Variants in VAT1L observed in about 807,000 individuals in gnomAD.
VAT1L encodes vesicle amine transport 1 like.
VAT1L carries 34 observed loss-of-function variants against 44.1 expected under a neutral mutation model. The ratio of observed to expected loss-of-function variants is 0.77; its 90% CI spans 0.59 to 1.03. The LOEUF is 1.03. Ranked by LOEUF, VAT1L falls within the 50% of genes least tolerant of loss-of-function variation. The pLI, the probability that VAT1L is intolerant of heterozygous loss-of-function variation, is 0.00. For missense variants in VAT1L, 615 were observed against 538.8 expected (o/e 1.14, Z -1.40); for synonymous variants, 253 against 202.2 (o/e 1.25, Z -2.13).
chr16:77,965,082 G>A (rs773575019), intron 7 of VAT1L, among the ~76,000 whole-genome samples: 32 of 149,208 alleles, frequency 2.1e-4, no homozygotes, highest in Non-Finnish European at 4.3e-4. Flanking sequence ...GAGCCACCCC[G>A]GCTGCCTGTA....
intron 7 of VAT1L, among the ~76,000 whole-genome samples, chr16:77,923,204 A>G (rs2017631042): frequency 6.6e-6 from 1 of 152,212 alleles, no homozygotes; most frequent in South Asian, 2.1e-4. Context: ...TAATTGCAGC[A>G]TATTGAGAGG....
chr16:77,812,677 A>G (rs2016286246), intron 1 of VAT1L, among the ~76,000 whole-genome samples: 1 of 152,202 alleles, frequency 6.6e-6, no homozygotes, highest in African/African-American at 2.4e-5. Context: ...TACAAATATA[A>G]GAAAGTGTTA....
At chr16:77,907,972 G>C (rs2017455489) in intron 7 of VAT1L, among the ~76,000 whole-genome samples, 2 of 152,182 alleles carry the variant, frequency 1.3e-5, no homozygotes, top group African/African-American at 4.8e-5. Context: ...TGGACACGGG[G>C]GCTCACGCCT....
At chr16:77,947,445 C>A (rs12448928) in intron 7 of VAT1L, among the ~76,000 whole-genome samples, 25,349 of 152,184 alleles carry the variant, frequency 0.17, 2,309 homozygotes, top group Admixed American at 0.25. Flanking sequence ...TGGTCTCACC[C>A]CGCCAGCCTC....
Position 77,884,705 on chromosome 16 carries a change from G to C in VAT1L, c.980G>C (p.Arg327Pro). 6.2e-7 allele frequency: 1 copy of C among 1,611,168 alleles called. No homozygotes were observed. The highest frequency in any genetic ancestry group is 8.5e-7 in the Non-Finnish European group (1 of 1,178,704). Residue 327 changes from arginine to proline, a missense_variant, in exon 7 of 9, where the codon CGG becomes CCG. Arg to Pro is a moderately radical substitution (Grantham distance 103). Transcript: ENST00000302536. The surrounding 1 kb of genome is among the most constrained non-coding windows in gnomAD (Gnocchi z 4.5). ...TTAAATCTGCTCTTCAAACAAGGCC[G>C]GGCGGGCCTCATTCGGGGAGTGGTG... is the stretch of plus-strand genomic sequence containing the variant. ...SLLNLLFKQG[R>P]AGLIRGVVEK...
chr16:77,877,468 G>A (rs568029761), intron 5 of VAT1L, among the ~76,000 whole-genome samples: 157 of 139,354 alleles, frequency 1.1e-3, no homozygotes, highest in South Asian at 9.4e-4. Flanking sequence ...AGCCGAGACC[G>A]CGCCAGTGCA....
In VAT1L at chr16:77,962,562, T is replaced by G. The variant is rs1036439826; in HGVS notation, c.1078-9288T>G. On this transcript the variant is annotated intron_variant, in intron 7 of 8. Coordinates refer to ENST00000302536, the MANE Select transcript of VAT1L (RefSeq NM_020927.3). ...TTATTAGGTGGCCTCGAGTATATCA[T>G]AGGCGGGACCATCCTATAATCCTAT... Among the ~76,000 whole-genome samples, 4 of 138,830 alleles carry G rather than the reference T, an allele frequency of 2.9e-5. No homozygotes were observed. The South Asian group carries it at 1.0e-3, about 35-fold the overall frequency. 91.1% of individuals were successfully genotyped at this position (138,830 alleles called of 152,430 possible). A position where few individuals can be genotyped will look rare whatever the true frequency, so the allele number is the denominator to read the frequency against.
intron 7 of VAT1L, among the ~76,000 whole-genome samples, chr16:77,889,172 T>C (rs442307): frequency 0.18 from 26,937 of 152,178 alleles, 2,747 homozygotes; most frequent in East Asian, 0.35. Context: ...ACTTCATCTA[T>C]GGAATATAAA....
At chr16:77,976,742 C>G (rs1158094085) in intron 8 of VAT1L, among the ~76,000 whole-genome samples, 2 of 152,132 alleles carry the variant, frequency 1.3e-5, no homozygotes, top group African/African-American at 4.8e-5. Flanking sequence ...GTTCTTAAAA[C>G]AAATTTATAA....
intron 7 of VAT1L, among the ~76,000 whole-genome samples, chr16:77,964,224 A>C (rs149479231): frequency 3.5e-3 from 538 of 152,102 alleles, no homozygotes; most frequent in Non-Finnish European, 4.6e-3. Flanking sequence ...AAACCCACCT[A>C]CATTAGTGTC....
At chr16:77,906,516 A>T (rs1163479938) in intron 7 of VAT1L, among the ~76,000 whole-genome samples, 1 of 152,238 alleles carries the variant, frequency 6.6e-6, no homozygotes, top group East Asian at 1.9e-4. Context: ...CTTATTTGAG[A>T]AATGATCCCA....
intron 7 of VAT1L, among the ~76,000 whole-genome samples, chr16:77,946,276 G>GTTATTTTTTTTTTTTTT (rs1597114758): frequency 5.9e-5 from 2 of 33,874 alleles, no homozygotes; most frequent in African/African-American, 1.1e-4. Context: ...TAGGTTACTT[G>GTTATTTTTTTTTTTTTT]TTCTTTTTTT....
At chr16:77,937,089 G>A (rs2017808980) in intron 7 of VAT1L, among the ~76,000 whole-genome samples, 1 of 152,050 alleles carries the variant, frequency 6.6e-6, no homozygotes, top group Admixed American at 6.5e-5. Context: ...CACCATGTTG[G>A]TCAGGATGGT....
chr16:77,815,241 C>G (rs1362059058), intron 1 of VAT1L, among the ~76,000 whole-genome samples: 2 of 152,192 alleles, frequency 1.3e-5, no homozygotes, highest in Admixed American at 1.3e-4. Context: ...AGAAATGTAT[C>G]CATTACTCCA....
intron 2 of VAT1L, among the ~76,000 whole-genome samples, chr16:77,822,131 TTTTA>T (rs981429232): frequency 6.6e-6 from 1 of 152,116 alleles, no homozygotes; most frequent in Admixed American, 6.6e-5. Context: ...TCATGTTTTA[TTTTA>T]TTTATTTATT....
intron 5 of VAT1L, 133 bp downstream of exon 5, chr16:77,876,606 T>A: frequency 4.2e-6 from 3 of 717,274 alleles, no homozygotes; most frequent in Non-Finnish European, 7.2e-6. Context: ...TTTTAATGTT[T>A]CCTATAATGT....
At chr16:77,912,851 C>T (rs548124757) in intron 7 of VAT1L, among the ~76,000 whole-genome samples, 1 of 152,298 alleles carries the variant, frequency 6.6e-6, no homozygotes, top group East Asian at 1.9e-4. Context: ...GGGCTCTCTT[C>T]TTGGCCTGTA....
At chr16:77,864,096 C>T (rs1047662252) in intron 4 of VAT1L, among the ~76,000 whole-genome samples, 1 of 152,166 alleles carries the variant, frequency 6.6e-6, no homozygotes, top group Non-Finnish European at 1.5e-5. Context: ...CAGATGGAAA[C>T]CCAGCTGCCA....
In VAT1L at chr16:77,943,354, G is replaced by A. The variant is rs369904356; in HGVS notation, c.1078-28496G>A. On this transcript the variant is annotated intron_variant, in intron 7 of 8. Coordinates refer to ENST00000302536, the MANE Select transcript of VAT1L (RefSeq NM_020927.3). ...TTACAGATTACAGGCGTGAACCACC[G>A]CACTTGGCCTATTTTCTTTTTCTTT... Among the ~76,000 whole-genome samples the A allele has an allele frequency of 5.6e-4, 84 of 150,340 alleles. 1 individual carries two copies. Among genetic ancestry groups the A allele is most frequent in the African/African-American group, 1.5e-3 (62 of 40,926 alleles).
Sources: gnomAD v4.1 joint callset for allele counts (sites outside exome capture counted in the v4.1 genomes callset) on GRCh38, gnomAD v4.1.1 for gene constraint, Gnocchi (gnomAD v3.1) non-coding constraint, MANE v1.5 for transcripts, NCBI Gene and HGNC (gene_info 2026-07-23, HGNC 2026-07-21) for gene names.